CNTNAP2: variants seen among roughly 807,000 people sequenced by gnomAD.
CNTNAP2 encodes contactin associated protein 2, also known as contactin-associated protein-like 2.
Under a neutral mutation model 155.2 loss-of-function variants are expected in CNTNAP2, and 98 were observed. The ratio of observed to expected loss-of-function variants is 0.63; its 90% CI spans 0.54 to 0.75. The LOEUF (loss-of-function observed/expected upper bound fraction) is 0.75. Ranked by LOEUF, CNTNAP2 falls within the 30% of genes least tolerant of loss-of-function variation. The probability of loss-of-function intolerance (pLI) is 0.00; values close to 1 mark genes in which losing one functional copy is unlikely to be tolerated. For synonymous variants in CNTNAP2, 651 were observed against 631.2 expected, an observed-to-expected ratio of 1.03 and a Z score of -0.47; for missense variants, 1,727 against 1,688.1, an observed-to-expected ratio of 1.02 and a Z score of -0.40.
chr7:146,466,041 C>CT (rs1294820581), intron 1 of CNTNAP2, among the ~76,000 whole-genome samples: 8 of 152,088 alleles, frequency 5.3e-5, no homozygotes, highest in Admixed American at 5.2e-4. Flanking sequence ...CTGGTTTTGA[C>CT]TGTTTACGCT....
chr7:148,310,424 T>C (rs1236142133), intron 21 of CNTNAP2, among the ~76,000 whole-genome samples: 1 of 152,214 alleles, frequency 6.6e-6, no homozygotes, highest in Non-Finnish European at 1.5e-5. Flanking sequence ...GTTTGTGATA[T>C]GTCTGTGATG....
intron 1 of CNTNAP2, among the ~76,000 whole-genome samples, chr7:146,258,172 G>A (rs112871155): frequency 5.0e-4 from 76 of 152,220 alleles, no homozygotes; most frequent in East Asian, 2.7e-3. Context: ...GATTACAGGC[G>A]TGGGCCACCA....
chr7:148,246,498 A>G (rs1441493631), intron 20 of CNTNAP2, among the ~76,000 whole-genome samples: 3 of 152,220 alleles, frequency 2.0e-5, no homozygotes, highest in African/African-American at 7.2e-5. Context: ...TAAAAAGATC[A>G]ATAAAGTAAA....
chr7:148,344,676 T>C (rs1215335128), intron 21 of CNTNAP2, among the ~76,000 whole-genome samples: 1 of 152,122 alleles, frequency 6.6e-6, no homozygotes, highest in Non-Finnish European at 1.5e-5. Context: ...TAATCTAATT[T>C]GCAGATGATA....
intron 4 of CNTNAP2, among the ~76,000 whole-genome samples, chr7:147,062,127 C>CAAAAAAAAAAAAAAAAAAAA (rs869125044): frequency 8.9e-5 from 4 of 44,938 alleles, no homozygotes; most frequent in African/African-American, 1.9e-4. Context: ...GACTCCGTCT[C>CAAAAAAAAAAAAAAAAAAAA]AAAAAAAAAA....
At chr7:146,680,283 A>T (rs924598982) in intron 1 of CNTNAP2, among the ~76,000 whole-genome samples, 1 of 152,200 alleles carries the variant, frequency 6.6e-6, no homozygotes, top group African/African-American at 2.4e-5. Context: ...AGGGAAATTT[A>T]AAAAACAAAA....
chr7:146,647,383 G>T (rs1799832768), intron 1 of CNTNAP2, among the ~76,000 whole-genome samples: 1 of 140,508 alleles, frequency 7.1e-6, no homozygotes, highest in Admixed American at 7.1e-5. Flanking sequence ...CTGAAAGAAA[G>T]AAAAGTTCAG....
At chr7:146,477,524 G>T (rs190842876) in intron 1 of CNTNAP2, among the ~76,000 whole-genome samples, 28 of 151,902 alleles carry the variant, frequency 1.8e-4, no homozygotes, top group Non-Finnish European at 2.6e-4. Context: ...ACATGGAGTT[G>T]TACTGGATTA....
intron 3 of CNTNAP2, among the ~76,000 whole-genome samples, chr7:146,933,680 A>G (rs1317330307): frequency 6.7e-6 from 1 of 149,984 alleles, no homozygotes; most frequent in Non-Finnish European, 1.5e-5. Flanking sequence ...AATTTTCGCA[A>G]CCTACTCATC....
intron 4 of CNTNAP2, among the ~76,000 whole-genome samples, chr7:147,098,784 A>AT (rs1800595631): frequency 6.6e-6 from 1 of 152,126 alleles, no homozygotes; most frequent in Admixed American, 6.5e-5. Context: ...AGATACTAAT[A>AT]TTTTATTACT....
At chr7:148,370,538 G>A (rs1798867555) in intron 21 of CNTNAP2, among the ~76,000 whole-genome samples, 1 of 152,150 alleles carries the variant, frequency 6.6e-6, no homozygotes, top group Non-Finnish European at 1.5e-5. Context: ...TAAAGGACTG[G>A]CACACAGGGT....
intron 10 of CNTNAP2, among the ~76,000 whole-genome samples, chr7:147,469,698 T>C (rs1405004773): frequency 6.6e-6 from 1 of 151,720 alleles, no homozygotes; most frequent in Non-Finnish European, 1.5e-5. Flanking sequence ...TTTTGTGTTT[T>C]TAGTGGAGAC....
At chr7:147,559,171 C>T (rs980692305) in intron 11 of CNTNAP2, among the ~76,000 whole-genome samples, 3 of 152,164 alleles carry the variant, frequency 2.0e-5, no homozygotes, top group African/African-American at 4.8e-5. Flanking sequence ...CCACCGTGCC[C>T]GGCCTAATTG....
chr7:146,620,679 A>G (rs887225758), intron 1 of CNTNAP2, among the ~76,000 whole-genome samples: 11 of 152,172 alleles, frequency 7.2e-5, no homozygotes, highest in Admixed American at 5.2e-4. Context: ...GTGAATATGC[A>G]GGAGATATTA....
At chr7:147,168,862 C>T (rs1802173009) in intron 8 of CNTNAP2, among the ~76,000 whole-genome samples, 1 of 151,976 alleles carries the variant, frequency 6.6e-6, no homozygotes, top group Admixed American at 6.6e-5. Flanking sequence ...TTGACTCCAG[C>T]AATGGAAAAA....
intron 8 of CNTNAP2, among the ~76,000 whole-genome samples, chr7:147,282,516 TG>T (rs748269646): frequency 6.6e-5 from 10 of 151,804 alleles, no homozygotes; most frequent in Non-Finnish European, 1.2e-4. Context: ...TTGAACCATC[TG>T]GTTATACTTT....
chr7:147,518,462 T>C (rs1412430219), intron 11 of CNTNAP2, among the ~76,000 whole-genome samples: 1 of 152,212 alleles, frequency 6.6e-6, no homozygotes, highest in Non-Finnish European at 1.5e-5. Context: ...GGGCCTGTCC[T>C]AGCATCATCT....
intron 3 of CNTNAP2, among the ~76,000 whole-genome samples, chr7:146,884,308 T>C (rs1043761485): frequency 6.6e-6 from 1 of 152,150 alleles, no homozygotes; most frequent in African/African-American, 2.4e-5. Context: ...TGTGTGAGGT[T>C]CAACTGTGCT....
intron 13 of CNTNAP2, among the ~76,000 whole-genome samples, chr7:147,738,696 C>T (rs999209291): frequency 6.9e-6 from 1 of 144,700 alleles, no homozygotes; most frequent in Non-Finnish European, 1.5e-5. Context: ...GCTCTGTTGC[C>T]CAAACTGGAG....
Sources: gnomAD v4.1 joint callset for allele counts (sites outside exome capture counted in the v4.1 genomes callset) on GRCh38, gnomAD v4.1.1 for gene constraint, MANE v1.5 for transcripts, NCBI Gene and HGNC (gene_info 2026-07-23, HGNC 2026-07-21) for gene names.